Variants in ADARB2 observed in about 807,000 individuals in gnomAD.
ADARB2 encodes the protein adenosine deaminase RNA specific B2 (inactive).
Under a neutral mutation model 62.2 loss-of-function variants are expected in ADARB2, and 25 were observed. The observed-to-expected ratio is 0.40, with a 90% confidence interval of 0.29 to 0.56. The LOEUF is 0.56. Ranked by LOEUF, ADARB2 falls within the 20% of genes least tolerant of loss-of-function variation. The pLI is 0.43. For missense variants in ADARB2, 1,071 were observed against 1,077.4 expected, an observed-to-expected ratio of 0.99 and a Z score of 0.08; for synonymous variants, 572 against 500.8, an observed-to-expected ratio of 1.14 and a Z score of -1.90.
intron 3 of ADARB2, among the ~76,000 whole-genome samples, chr10:1,276,093 CA>C (rs1831313753): frequency 6.6e-6 from 1 of 152,100 alleles, no homozygotes; most frequent in African/African-American, 2.4e-5. Flanking sequence ...CTGACTTCCA[CA>C]ATGGTTGAAC....
In ADARB2 at chr10:1,185,045, G is replaced by A. The variant is rs1252816642; in HGVS notation, c.1865-6C>T. Reference sequence around the variant, plus strand: ...CGCCTCGGCGTCACTCACGCCTGTCGGGGAGATGGGGAAAGGCGGGCGTTA... The same window carrying A: ...CGCCTCGGCGTCACTCACGCCTGTCAGGGAGATGGGGAAAGGCGGGCGTTA... On this transcript the variant is annotated splice_region_variant and splice_polypyrimidine_tract_variant and intron_variant, in intron 8 of 9. Transcript: ENST00000381312. 7 of 1,607,858 alleles carry A rather than the reference G, an allele frequency of 4.4e-6. No individual in the cohort carries two copies. The highest frequency in any genetic ancestry group is 5.9e-6 in the Non-Finnish European group (7 of 1,176,542).
chr10:1,702,698 G>A (rs942335085), intron 1 of ADARB2, among the ~76,000 whole-genome samples: 4 of 152,140 alleles, frequency 2.6e-5, no homozygotes, highest in South Asian at 4.1e-4. Context: ...TGCTCCTGCC[G>A]GCCTCTCTGG....
intron 1 of ADARB2, among the ~76,000 whole-genome samples, chr10:1,658,713 A>C (rs1268525300): frequency 1.3e-5 from 2 of 152,246 alleles, no homozygotes; most frequent in African/African-American, 4.8e-5. Context: ...AGCAACTGGC[A>C]TCAGAACAGA....
chr10:1,307,394 C>T (rs1249061268), intron 3 of ADARB2, among the ~76,000 whole-genome samples: 4 of 141,804 alleles, frequency 2.8e-5, no homozygotes, highest in Non-Finnish European at 6.1e-5. Flanking sequence ...CATCTCACAC[C>T]AGTTAGAATG....
chr10:1,488,846 C>T (rs1187820732), intron 1 of ADARB2, among the ~76,000 whole-genome samples: 1 of 152,142 alleles, frequency 6.6e-6, no homozygotes, highest in African/African-American at 2.4e-5. Context: ...TATCGTCTGA[C>T]AGGTTTTAGA....
chr10:1,232,564 T>A (rs566078204), intron 6 of ADARB2, among the ~76,000 whole-genome samples: 2 of 150,710 alleles, frequency 1.3e-5, no homozygotes, highest in Admixed American at 1.3e-4. Flanking sequence ...GTGTATGTGC[T>A]ATGTGTGTGG....
intron 1 of ADARB2, among the ~76,000 whole-genome samples, chr10:1,540,111 T>C (rs911568541): frequency 1.1e-4 from 17 of 152,202 alleles, no homozygotes; most frequent in African/African-American, 4.1e-4. Context: ...TTTTAAAATC[T>C]GGGAACCAAA....
intron 5 of ADARB2, among the ~76,000 whole-genome samples, chr10:1,235,089 C>T (rs766767516): frequency 3.9e-5 from 6 of 152,038 alleles, no homozygotes; most frequent in South Asian, 2.1e-4. Context: ...CACTGCTGTT[C>T]GCCCACATCT....
At chr10:1,447,461 T>C (rs1026408102) in intron 1 of ADARB2, among the ~76,000 whole-genome samples, 1 of 152,172 alleles carries the variant, frequency 6.6e-6, no homozygotes, top group Non-Finnish European at 1.5e-5. Context: ...TCACTGTCAT[T>C]CCACCAGGCA....
chr10:1,224,104 C>G (rs183602992), intron 6 of ADARB2, among the ~76,000 whole-genome samples: 167 of 152,224 alleles, frequency 1.1e-3, no homozygotes, highest in Non-Finnish European at 1.7e-3. Context: ...ATTTCAGAGC[C>G]TGTTATTGGT....
rs192024825 is a variant in ADARB2 at position 1,466,325 on chromosome 10, C to T, written c.101-87165G>A. On this transcript the variant is annotated intron_variant, in intron 1 of 9. Transcript: ENST00000381312. ...TGATGGCTTCTGATGAATGAAAACC[C>T]GGGCAAAGACGGTGCTTCTCCTCCC... Among the ~76,000 whole-genome samples the T allele has an allele frequency of 4.8e-3, 737 of 152,284 alleles. 3 individuals are homozygous for T. The highest frequency in any genetic ancestry group is 8.7e-3 in the Non-Finnish European group (590 of 68,022).
chr10:1,329,519 G>A (rs1322282943), intron 3 of ADARB2, among the ~76,000 whole-genome samples: 6 of 152,192 alleles, frequency 3.9e-5, no homozygotes, highest in African/African-American at 1.4e-4. Flanking sequence ...TGTAGAAAAT[G>A]TCTTTAGGCT....
intron 3 of ADARB2, among the ~76,000 whole-genome samples, chr10:1,313,948 G>C (rs111445236): frequency 6.6e-6 from 1 of 152,074 alleles, no homozygotes; most frequent in Non-Finnish European, 1.5e-5. Context: ...TCTGAAACTC[G>C]CTATGTCTGA....
intron 1 of ADARB2, among the ~76,000 whole-genome samples, chr10:1,534,008 G>A (rs1832286754): frequency 6.6e-6 from 1 of 151,682 alleles, no homozygotes; most frequent in Non-Finnish European, 1.5e-5. Context: ...TGAAGAGACT[G>A]GGTTTTGATG....
chr10:1,566,079 A>C (rs796854361), intron 1 of ADARB2, among the ~76,000 whole-genome samples: 1,463 of 103,916 alleles, frequency 0.014, 70 homozygotes, highest in African/African-American at 0.031. Context: ...AAAAAAAAAA[A>C]AAAAAAAAAA....
At chr10:1,204,647 C>T (rs961426502) in intron 7 of ADARB2, among the ~76,000 whole-genome samples, 7 of 152,212 alleles carry the variant, frequency 4.6e-5, no homozygotes, top group South Asian at 2.1e-4. Context: ...TTGTGTAGGA[C>T]GCTTGTGACT....
At chr10:1,214,564 C>T (rs988059008) in intron 7 of ADARB2, among the ~76,000 whole-genome samples, 6 of 152,184 alleles carry the variant, frequency 3.9e-5, no homozygotes, top group Admixed American at 2.0e-4. Context: ...GCCGGCGTCG[C>T]GTGGGTTCGC....
At chr10:1,430,590 A>C (rs1367306205) in intron 1 of ADARB2, among the ~76,000 whole-genome samples, 1 of 152,254 alleles carries the variant, frequency 6.6e-6, no homozygotes, top group Non-Finnish European at 1.5e-5. Flanking sequence ...TTAAAAAATC[A>C]GTAGCCAGGT....
At chr10:1,429,942 G>T (rs1035517936) in intron 1 of ADARB2, among the ~76,000 whole-genome samples, 3 of 152,026 alleles carry the variant, frequency 2.0e-5, no homozygotes, top group African/African-American at 7.2e-5. Context: ...ACAGCTAAGG[G>T]AATTTCTCTA....
Sources: gnomAD v4.1 joint callset for allele counts (sites outside exome capture counted in the v4.1 genomes callset) on GRCh38, gnomAD v4.1.1 for gene constraint, MANE v1.5 for transcripts, NCBI Gene and HGNC (gene_info 2026-07-23, HGNC 2026-07-21) for gene names.